The following DAB1 variants were observed in gnomAD, a reference collection of about 807,000 sequenced individuals.
DAB1 encodes DAB adaptor protein 1.
DAB1 carries 15 observed loss-of-function variants against 64.6 expected under a neutral mutation model. The observed-to-expected ratio is 0.23, with a 90% confidence interval of 0.16 to 0.36. The LOEUF is 0.36. Ranked by LOEUF, DAB1 falls within the 10% of genes least tolerant of loss-of-function variation. The probability of loss-of-function intolerance (pLI) is 1.00; values close to 1 mark genes in which losing one functional copy is unlikely to be tolerated. For missense variants in DAB1, 596 were observed against 706.7 expected, an observed-to-expected ratio of 0.84 and a Z score of 1.78; for synonymous variants, 235 against 251.9, an observed-to-expected ratio of 0.93 and a Z score of 0.64.
At chr1:58,385,378 C>T (rs1469012310) in intron 3 of DAB1, among the ~76,000 whole-genome samples, 1 of 152,188 alleles carries the variant, frequency 6.6e-6, no homozygotes, top group Non-Finnish European at 1.5e-5. Context: ...TGCTTCCTCA[C>T]TAGACCCCTG....
intron 5 of DAB1, among the ~76,000 whole-genome samples, chr1:57,927,026 C>A (rs906239613): frequency 6.6e-6 from 1 of 152,188 alleles, no homozygotes; most frequent in Non-Finnish European, 1.5e-5. Flanking sequence ...TCAAGTCCCA[C>A]CTCTGCTACT....
rs139270843 is a variant in DAB1, at chr1:58,132,563, G to A, written n.387+17948C>T. 1.3e-3 allele frequency among the ~76,000 whole-genome samples: 196 copies of A among 152,256 alleles called. 1 individual carries two copies. The highest frequency in any genetic ancestry group is 4.5e-3 in the African/African-American group (187 of 41,568). On this transcript the variant is annotated intron_variant and non_coding_transcript_variant, in intron 5 of 20. Coordinates refer to the DAB1 transcript ENST00000485760. ...TACAGCCAGGGATCTCTGAGGATCC[G>A]CCTGCAGTCTGCGTGAGATGAAACA... is the stretch of plus-strand genomic sequence containing the variant.
At chr1:58,532,623 G>C (rs1035628744) in intron 1 of DAB1, among the ~76,000 whole-genome samples, 1 of 152,154 alleles carries the variant, frequency 6.6e-6, no homozygotes, top group Non-Finnish European at 1.5e-5. Context: ...GATCTCCCAG[G>C]CTCAAGCAAT....
At chr1:57,025,936 G>A (rs1646770762) in intron 10 of DAB1, 45 bp downstream of exon 10, 2 of 1,480,686 alleles carry the variant, frequency 1.4e-6, no homozygotes, top group African/African-American at 1.5e-5. Flanking sequence ...GATGTGTAAA[G>A]AAAGGAATTC....
chr1:58,494,335 T>A (rs1645754604), intron 3 of DAB1, among the ~76,000 whole-genome samples: 1 of 152,028 alleles, frequency 6.6e-6, no homozygotes, highest in African/African-American at 2.4e-5. Context: ...ACCTAGGCAA[T>A]ACCATTCAGG....
At chr1:57,652,054 C>A (rs1646262840) in intron 6 of DAB1, among the ~76,000 whole-genome samples, 1 of 152,234 alleles carries the variant, frequency 6.6e-6, no homozygotes, top group Non-Finnish European at 1.5e-5. Context: ...AATGAGAAAC[C>A]AGAAGGCTAG....
intron 3 of DAB1, among the ~76,000 whole-genome samples, chr1:58,451,999 C>A (rs1645142488): frequency 6.6e-6 from 1 of 150,634 alleles, no homozygotes; most frequent in Non-Finnish European, 1.5e-5. Flanking sequence ...CTCACTGCAA[C>A]CTTTGTGCCC....
At chr1:58,200,686 A>AT (rs977140689) in intron 4 of DAB1, among the ~76,000 whole-genome samples, 3 of 151,998 alleles carry the variant, frequency 2.0e-5, no homozygotes, top group Non-Finnish European at 4.4e-5. Context: ...AATTCAATTG[A>AT]TTTTTTTTAC....
intron 5 of DAB1, among the ~76,000 whole-genome samples, chr1:57,906,983 G>T (rs542624996): frequency 8.9e-5 from 13 of 145,472 alleles, no homozygotes; most frequent in African/African-American, 3.0e-4. Flanking sequence ...TAGATAGATA[G>T]ATAGATTTGC....
At chr1:57,727,567 A>G (rs1051774724) in intron 6 of DAB1, among the ~76,000 whole-genome samples, 5 of 152,198 alleles carry the variant, frequency 3.3e-5, no homozygotes, top group African/African-American at 1.2e-4. Flanking sequence ...TGTTCCATAA[A>G]TGGCTTCTGG....
At chr1:57,290,543 G>C (rs1157393558) in intron 2 of DAB1, among the ~76,000 whole-genome samples, 5 of 152,170 alleles carry the variant, frequency 3.3e-5, no homozygotes, top group Non-Finnish European at 1.5e-5. Flanking sequence ...GGATGGGGAA[G>C]GGGGGTGGTT....
intron 2 of DAB1, among the ~76,000 whole-genome samples, chr1:57,198,785 CA>C (rs1472332652): frequency 6.6e-6 from 1 of 151,524 alleles, no homozygotes; most frequent in Non-Finnish European, 1.5e-5. Flanking sequence ...TTAGGTGTTT[CA>C]AAGGAGAGAA....
chr1:58,439,560 A>G (rs375586459), intron 3 of DAB1, among the ~76,000 whole-genome samples: 81 of 152,168 alleles, frequency 5.3e-4, no homozygotes, highest in African/African-American at 1.8e-3. Flanking sequence ...GCAATTGCCT[A>G]CTTGCTTACT....
intron 2 of DAB1, among the ~76,000 whole-genome samples, chr1:57,286,163 C>T (rs1460095172): frequency 6.6e-6 from 1 of 152,096 alleles, no homozygotes; most frequent in Non-Finnish European, 1.5e-5. Flanking sequence ...TGAAATATGC[C>T]CCTATGTGAC....
intron 7 of DAB1, among the ~76,000 whole-genome samples, chr1:57,593,305 G>C (rs1190997801): frequency 6.6e-6 from 1 of 152,230 alleles, no homozygotes; most frequent in South Asian, 2.1e-4. Flanking sequence ...TAATGTCAAG[G>C]TTCATCCATG....
chr1:57,438,312 T>C (rs1685776024), intron 7 of DAB1, among the ~76,000 whole-genome samples: 1 of 152,198 alleles, frequency 6.6e-6, no homozygotes, highest in Admixed American at 6.5e-5. Flanking sequence ...AAGGCGTTCA[T>C]ACTGAGAGCT....
chr1:57,777,374 T>C (rs907626749), intron 6 of DAB1, among the ~76,000 whole-genome samples: 3 of 116,900 alleles, frequency 2.6e-5, no homozygotes, highest in Non-Finnish European at 3.6e-5. Context: ...TTGTCAGCCA[T>C]CATTCAAATA....
At chr1:57,409,322 G>T (rs776283559) in intron 1 of DAB1, among the ~76,000 whole-genome samples, 4 of 152,148 alleles carry the variant, frequency 2.6e-5, no homozygotes, top group African/African-American at 7.2e-5. Flanking sequence ...CCTGTATTAA[G>T]TTCTTCCTAT....
At chr1:58,374,220 T>A (rs891636759) in intron 3 of DAB1, among the ~76,000 whole-genome samples, 3 of 130,270 alleles carry the variant, frequency 2.3e-5, no homozygotes, top group Middle Eastern at 3.6e-3. Flanking sequence ...TTTGTTGCCA[T>A]TGTTTTTGGT....
Sources: gnomAD v4.1 joint callset for allele counts (sites outside exome capture counted in the v4.1 genomes callset) on GRCh38, gnomAD v4.1.1 for gene constraint, MANE v1.5 for transcripts, NCBI Gene and HGNC (gene_info 2026-07-23, HGNC 2026-07-21) for gene names.